The following CNTNAP2 variants were observed in gnomAD, a reference collection of about 807,000 sequenced individuals.
CNTNAP2 encodes the protein contactin-associated protein-like 2.
In CNTNAP2, 98 loss-of-function variants were observed where a neutral mutation model predicts 155.2. The ratio of observed to expected loss-of-function variants is 0.63; its 90% CI spans 0.54 to 0.75. The LOEUF is 0.75. CNTNAP2 is among the 30% of genes least tolerant of loss of function. The probability of loss-of-function intolerance (pLI) is 0.00; values close to 1 mark genes in which losing one functional copy is unlikely to be tolerated. For missense variants in CNTNAP2, 1,727 were observed against 1,688.1 expected (o/e 1.02, Z -0.40); for synonymous variants, 651 against 631.2 (o/e 1.03, Z -0.47).
intron 21 of CNTNAP2, among the ~76,000 whole-genome samples, chr7:148,275,401 A>G (rs1255311924): frequency 6.6e-6 from 1 of 152,138 alleles, no homozygotes; most frequent in African/African-American, 2.4e-5. Flanking sequence ...GAAGAGTTAG[A>G]ATGATCTGGG....
intron 2 of CNTNAP2, among the ~76,000 whole-genome samples, chr7:146,818,555 G>A (rs1432970571): frequency 6.6e-6 from 1 of 152,052 alleles, no homozygotes; most frequent in Non-Finnish European, 1.5e-5. Context: ...GAAAGCACAC[G>A]ATGCGGAATC....
At chr7:147,891,772 A>T (rs1799698689) in intron 13 of CNTNAP2, among the ~76,000 whole-genome samples, 1 of 152,018 alleles carries the variant, frequency 6.6e-6, no homozygotes, top group Admixed American at 6.6e-5. Context: ...TATGAGCCTC[A>T]GATAGTTTAC....
intron 1 of CNTNAP2, among the ~76,000 whole-genome samples, chr7:146,591,803 A>T (rs947661902): frequency 1.3e-5 from 2 of 152,142 alleles, no homozygotes; most frequent in Admixed American, 1.3e-4. Context: ...TGGATCTATA[A>T]TTCCAGTCCT....
At chr7:147,616,499 T>A (rs186142514) in intron 12 of CNTNAP2, among the ~76,000 whole-genome samples, 3 of 152,226 alleles carry the variant, frequency 2.0e-5, no homozygotes, top group Non-Finnish European at 4.4e-5. Context: ...CTTTATTGTA[T>A]TCTGGCAAAA....
intron 3 of CNTNAP2, among the ~76,000 whole-genome samples, chr7:147,005,695 T>C (rs1347499834): frequency 3.3e-5 from 5 of 152,080 alleles, no homozygotes; most frequent in Non-Finnish European, 7.4e-5. Flanking sequence ...CCTTCTCCAC[T>C]GAAAAGAGTC....
intron 5 of CNTNAP2, among the ~76,000 whole-genome samples, chr7:147,112,066 A>C (rs2129280554): frequency 6.6e-6 from 1 of 152,136 alleles, no homozygotes; most frequent in South Asian, 2.1e-4. Context: ...AGAGGTTTGT[A>C]GTTCTTCTTA....
intron 1 of CNTNAP2, among the ~76,000 whole-genome samples, chr7:146,454,230 A>C (rs1796522982): frequency 2.0e-5 from 3 of 152,204 alleles, no homozygotes; most frequent in African/African-American, 7.2e-5. Context: ...ATTTCTTGTT[A>C]TAGATATTTT....
chr7:147,010,275 G>T (rs771496819), intron 3 of CNTNAP2, among the ~76,000 whole-genome samples: 1 of 151,990 alleles, frequency 6.6e-6, no homozygotes, highest in Non-Finnish European at 1.5e-5. Context: ...CTCCCAAAGT[G>T]CTGGGATTAC....
At chr7:147,195,177 G>C (rs1430593473) in intron 8 of CNTNAP2, among the ~76,000 whole-genome samples, 4 of 152,052 alleles carry the variant, frequency 2.6e-5, no homozygotes, top group African/African-American at 9.7e-5. Context: ...CTGAATAGGA[G>C]ATCATTTCCC....
intron 13 of CNTNAP2, among the ~76,000 whole-genome samples, chr7:147,891,796 C>G (rs1027355050): frequency 1.3e-5 from 2 of 152,024 alleles, no homozygotes; most frequent in Non-Finnish European, 2.9e-5. Context: ...ATAATTCCAA[C>G]ATAGCCCCCC....
chr7:147,344,627 T>A lies in CNTNAP2; in HGVS notation c.1498+44337T>A, dbSNP rs193181856. Among the ~76,000 whole-genome samples, 331 of 152,336 alleles carry A rather than the reference T, an allele frequency of 2.2e-3. 3 individuals carry two copies. The highest frequency in any genetic ancestry group is 9.6e-4 in the Non-Finnish European group (65 of 68,018). ...GTAAAACCCCATGATAAAACTTTTG[T>A]AGATACTTCAGCATTATGCAAATGA... On this transcript the variant is annotated intron_variant, in intron 9 of 23. Coordinates refer to ENST00000361727, the MANE Select transcript of CNTNAP2 (RefSeq NM_014141.6).
At chr7:147,188,283 G>T (rs1320803981) in intron 8 of CNTNAP2, among the ~76,000 whole-genome samples, 1 of 152,142 alleles carries the variant, frequency 6.6e-6, no homozygotes. Flanking sequence ...GGACAGCATG[G>T]TATCAGTGAA....
At chr7:146,882,756 T>C (rs1001412274) in intron 3 of CNTNAP2, among the ~76,000 whole-genome samples, 1 of 152,106 alleles carries the variant, frequency 6.6e-6, no homozygotes. Flanking sequence ...CAAAAATAAG[T>C]AGCATTTCTG....
intron 1 of CNTNAP2, among the ~76,000 whole-genome samples, chr7:146,540,440 AT>A: frequency 1.3e-5 from 2 of 152,214 alleles, no homozygotes; most frequent in South Asian, 4.1e-4. Context: ...CTGGAATTAC[AT>A]TATAATCCAT....
At chr7:146,573,015 A>G (rs1240510326) in intron 1 of CNTNAP2, among the ~76,000 whole-genome samples, 1 of 152,184 alleles carries the variant, frequency 6.6e-6, no homozygotes, top group Admixed American at 6.5e-5. Flanking sequence ...AACAAATATT[A>G]ATATATAATG....
chr7:146,876,992 T>G (rs1186698204), intron 3 of CNTNAP2, among the ~76,000 whole-genome samples: 1 of 152,170 alleles, frequency 6.6e-6, no homozygotes, highest in East Asian at 1.9e-4. Context: ...TACTTTTAAC[T>G]ACTGCTTTAA....
At chr7:146,816,494 G>A (rs1165262763) in intron 2 of CNTNAP2, among the ~76,000 whole-genome samples, 2 of 152,168 alleles carry the variant, frequency 1.3e-5, no homozygotes, top group African/African-American at 4.8e-5. Context: ...CCATCCCACA[G>A]TCTAAGAGAA....
chr7:147,887,074 C>T (rs1406060008), intron 13 of CNTNAP2, among the ~76,000 whole-genome samples: 1 of 152,160 alleles, frequency 6.6e-6, no homozygotes, highest in African/African-American at 2.4e-5. Flanking sequence ...TAAAATATCA[C>T]CTTGACCATG....
intron 15 of CNTNAP2, among the ~76,000 whole-genome samples, chr7:148,065,120 G>A (rs1201427347): frequency 6.6e-6 from 1 of 152,074 alleles, no homozygotes; most frequent in East Asian, 1.9e-4. Context: ...TTTTCAAGTT[G>A]ATTTCCAATT....
Sources: gnomAD v4.1 joint callset for allele counts (sites outside exome capture counted in the v4.1 genomes callset) on GRCh38, gnomAD v4.1.1 for gene constraint, MANE v1.5 for transcripts, NCBI Gene and HGNC (gene_info 2026-07-23, HGNC 2026-07-21) for gene names.